The following ANK2 variants were observed in gnomAD, a reference collection of about 807,000 sequenced individuals.
ANK2 encodes ankyrin 2.
Under a neutral mutation model 360.5 loss-of-function variants are expected in ANK2, and 83 were observed. The observed-to-expected ratio is 0.23, with a 90% CI of 0.19 to 0.28. The LOEUF (loss-of-function observed/expected upper bound fraction) is 0.28. ANK2 is among the 10% of genes least tolerant of loss of function. ANK2 has a pLI of 1.00. For synonymous variants in ANK2, 1,740 were observed against 1,759.5 expected (o/e 0.99, Z 0.28); for missense variants, 4,201 against 4,795.7 (o/e 0.88, Z 3.66).
chr4:113,321,313 C>T (rs1175537715), intron 26 of ANK2, among the ~76,000 whole-genome samples: 1 of 152,216 alleles, frequency 6.6e-6, no homozygotes, highest in African/African-American at 2.4e-5. Flanking sequence ...TGTTCTAGAT[C>T]TTTCACAAAT....
chr4:113,117,042 C>T, intron 1 of ANK2: 1 of 336,988 alleles, frequency 3.0e-6, no homozygotes, highest in Non-Finnish European at 5.9e-6. Flanking sequence ...TGTGTGCGTG[C>T]AGGTGTGTGC....
Position 112,888,944 on chromosome 4 carries a change from T to C in ANK2, c.-39-15511T>C, listed in dbSNP as rs549931140. On this transcript the variant is annotated intron_variant, in intron 1 of 30. Transcript: ENST00000503271. Reference sequence around the variant, plus strand: ...ACCTTGTTAACTCTGGTGGGTTTTCTGCAAGGCTTGTTAATAGTGATAGAA... The same window carrying C: ...ACCTTGTTAACTCTGGTGGGTTTTCCGCAAGGCTTGTTAATAGTGATAGAA... Among the ~76,000 whole-genome samples the C allele has an allele frequency of 3.9e-5, 6 of 152,310 alleles. No homozygotes were observed. The South Asian group carries it at 1.2e-3, about 32-fold the overall frequency.
chr4:112,890,664 T>C lies in ANK2; in HGVS notation c.-39-13791T>C, dbSNP rs558597804. Among the ~76,000 whole-genome samples, 3 of 142,610 alleles carry C rather than the reference T, an allele frequency of 2.1e-5. No homozygotes were observed. In the East Asian group the frequency reaches 6.5e-4, roughly 31 times the overall value. The allele number at this position is 142,610 out of a possible 152,430, so 93.6% of individuals were successfully genotyped here. ...CTCACCGCAACCTCCGCCTCCCAGG[T>C]TCAAGCTATTCTCCTGCCTCAGCCT... is the stretch of plus-strand genomic sequence containing the variant. On this transcript the variant is annotated intron_variant, in intron 1 of 30. Coordinates refer to the ANK2 transcript ENST00000503271.
In ANK2 at chr4:112,905,953, C is replaced by T. The variant is rs182743690; in HGVS notation, c.21+1439C>T. Among the ~76,000 whole-genome samples the T allele has an allele frequency of 8.3e-4, 126 of 152,264 alleles. 1 individual carries two copies. The highest frequency in any genetic ancestry group is 2.4e-3 in the African/African-American group (98 of 41,530). On this transcript the variant is annotated intron_variant, in intron 2 of 30. Coordinates refer to the ANK2 transcript ENST00000503271. ...CTGGGATTATAGGCATGAGTCACTGCGCCTGGCCAGCTTGGGCTATTTTTA... is the reference window on the plus strand; with the variant it reads ...CTGGGATTATAGGCATGAGTCACTGTGCCTGGCCAGCTTGGGCTATTTTTA...
At chr4:113,168,099 C>T (rs1171092532) in intron 1 of ANK2, among the ~76,000 whole-genome samples, 14 of 152,070 alleles carry the variant, frequency 9.2e-5, no homozygotes, top group Admixed American at 9.2e-4. Flanking sequence ...TCTTATTTTT[C>T]ATGGTTGGTA....
chr4:112,873,984 TAATA>T (rs1347305483), intron 1 of ANK2, among the ~76,000 whole-genome samples: 1 of 152,106 alleles, frequency 6.6e-6, no homozygotes, highest in African/African-American at 2.4e-5. Flanking sequence ...GAAAGTGATT[TAATA>T]AATAAACATT....
chr4:112,811,580 C>G, the ANK2 span, among the ~76,000 whole-genome samples: 1 of 152,090 alleles, frequency 6.6e-6, no homozygotes, highest in Non-Finnish European at 1.5e-5. Context: ...AGTAAATATT[C>G]TGTGTGCTAA....
chr4:113,194,869 G>A (rs911425672), intron 2 of ANK2, among the ~76,000 whole-genome samples: 1 of 151,998 alleles, frequency 6.6e-6, no homozygotes, highest in Non-Finnish European at 1.5e-5. Flanking sequence ...TGCTTTAGTT[G>A]TTTCCCATTT....
chr4:113,045,459 A>G (rs948268675), upstream of ANK2, among the ~76,000 whole-genome samples: 1 of 152,296 alleles, frequency 6.6e-6, no homozygotes, highest in East Asian at 1.9e-4. Flanking sequence ...CTTAAGCTCT[A>G]TATCTTATTA....
In ANK2 at chr4:113,187,500, C is replaced by G. The variant is rs577583090; in HGVS notation, c.187-8868C>G. Among the ~76,000 whole-genome samples, 236 of 152,262 alleles carry G rather than the reference C, an allele frequency of 1.5e-3. 1 individual carries two copies. The highest frequency in any genetic ancestry group is 6.4e-3 in the South Asian group (31 of 4,824). Reference sequence around the variant, plus strand: ...AAAAAAGACACTAGTTTCTTATTAACCAATTGTGTCCCCAGCTAGCAGTTT... The same window carrying G: ...AAAAAAGACACTAGTTTCTTATTAAGCAATTGTGTCCCCAGCTAGCAGTTT... On this transcript the variant is annotated intron_variant, in intron 2 of 45. Coordinates refer to ENST00000357077, the MANE Select transcript of ANK2 (RefSeq NM_001148.6).
intron 1 of ANK2, among the ~76,000 whole-genome samples, chr4:113,128,944 C>A (rs1449240484): frequency 6.6e-6 from 1 of 152,126 alleles, no homozygotes; most frequent in Non-Finnish European, 1.5e-5. Flanking sequence ...ATCTTGGTTT[C>A]CAAACATAAT....
rs547786135 is a variant in ANK2, at chr4:113,161,875, G to A, written c.85-12541G>A. ...TATTCCTAGGACATTCATGAGCAGA[G>A]AAATGGGAAGGAGTGAAGCGAAATC... On this transcript the variant is annotated intron_variant, in intron 1 of 45. Transcript: ENST00000357077. Among the ~76,000 whole-genome samples the A allele has an allele frequency of 3.9e-5, 6 of 152,268 alleles. No individual in the cohort carries two copies. In the South Asian group the frequency reaches 1.2e-3, roughly 32 times the overall value.
At position 113,272,358 on chromosome 4, in the gene ANK2, C is replaced by T. The variant is rs368765423; in HGVS notation, c.1486-2094C>T. Among the ~76,000 whole-genome samples the T allele has an allele frequency of 3.7e-4, 56 of 152,306 alleles. 2 individuals are homozygous for T. In the South Asian group the frequency reaches 7.9e-3, roughly 21 times the overall value. Reference sequence around the variant, plus strand: ...GAGGTCTATGTGATCAGGCTTCCCTCGTTTCTTTACCTTTTCCCATGAATC... The same window carrying T: ...GAGGTCTATGTGATCAGGCTTCCCTTGTTTCTTTACCTTTTCCCATGAATC... On this transcript the variant is annotated intron_variant, in intron 14 of 45. Transcript: ENST00000357077.
At chr4:113,242,005 A>T in intron 8 of ANK2, 106 bp from the exon 9 acceptor site, 1 of 869,038 alleles carries the variant, frequency 1.2e-6, no homozygotes, top group Non-Finnish European at 1.9e-6. Flanking sequence ...ACTGTGGATC[A>T]AATTACCACG....
At chr4:113,157,759 G>A (rs1462944337) in intron 1 of ANK2, among the ~76,000 whole-genome samples, 2 of 152,254 alleles carry the variant, frequency 1.3e-5, no homozygotes, top group Admixed American at 1.3e-4. Flanking sequence ...ACCTTTGGGG[G>A]AACTTGGGGA....
chr4:113,242,327 A>G (rs1281902096), intron 9 of ANK2, 118 bp downstream of exon 9: 1 of 856,506 alleles, frequency 1.2e-6, no homozygotes, highest in East Asian at 2.6e-5. Context: ...AAATTGCTTT[A>G]TTGGAATTGA....
chr4:112,743,174 T>C, the ANK2 span, among the ~76,000 whole-genome samples: 1 of 152,234 alleles, frequency 6.6e-6, no homozygotes, highest in Non-Finnish European at 1.5e-5. Context: ...GTGTTTTATA[T>C]AGCCTTTCCT....
intron 1 of ANK2, among the ~76,000 whole-genome samples, chr4:113,162,527 C>A (rs1262907283): frequency 1.3e-5 from 2 of 152,096 alleles, no homozygotes; most frequent in East Asian, 3.8e-4. Context: ...CTTGCTATTC[C>A]CTGGGCTGGC....
intron 1 of ANK2, among the ~76,000 whole-genome samples, chr4:113,137,747 A>G (rs1247986098): frequency 6.6e-6 from 1 of 152,200 alleles, no homozygotes; most frequent in African/African-American, 2.4e-5. Flanking sequence ...GATTAAACAC[A>G]TATAAACATC....
Sources: allele counts gnomAD v4.1 joint callset (sites outside exome capture counted in the v4.1 genomes callset), GRCh38; gene constraint gnomAD v4.1.1; transcripts MANE v1.5; gene names NCBI Gene and HGNC (gene_info 2026-07-23, HGNC 2026-07-21).